DOT1L: variants seen among roughly 807,000 people sequenced by gnomAD.
The protein encoded by DOT1L is histone-lysine N-methyltransferase, H3 lysine-79 specific.
A neutral mutation model predicts 153.3 loss-of-function variants in DOT1L; 33 were observed. The observed-to-expected ratio is 0.22, with a 90% CI of 0.16 to 0.29. The LOEUF is 0.29. DOT1L is among the 10% of genes least tolerant of loss of function. The pLI is 1.00. For missense variants in DOT1L, 1,847 were observed against 2,119.9 expected (o/e 0.87, Z 2.53); for synonymous variants, 1,135 against 965.1 (o/e 1.18, Z -3.26).
chr19:2,210,556 T>A, intron 13 of DOT1L, 46 bp downstream of exon 13: 1 of 1,590,118 alleles, frequency 6.3e-7, no homozygotes. Flanking sequence ...ACCCGCCCCC[T>A]GCCCGGGAGA....
At chr19:2,223,987 AG>A (rs1349898063) in intron 25 of DOT1L, among the ~76,000 whole-genome samples, 1 of 151,994 alleles carries the variant, frequency 6.6e-6, no homozygotes, top group East Asian at 1.9e-4. Context: ...TCCTCCCAAG[AG>A]CCCCTGGCAC....
At chr19:2,224,068 A>G (rs1426106451) in intron 25 of DOT1L, among the ~76,000 whole-genome samples, 2 of 152,038 alleles carry the variant, frequency 1.3e-5, no homozygotes, top group African/African-American at 4.8e-5. Flanking sequence ...GCGGAGTCAC[A>G]CAGGATGTGG....
intron 25 of DOT1L, among the ~76,000 whole-genome samples, chr19:2,224,461 G>C (rs1036818119): frequency 6.9e-6 from 1 of 145,116 alleles, no homozygotes; most frequent in Admixed American, 6.9e-5. Context: ...AGGGTTTTTT[G>C]CTTTTTTTTT....
rs1363136429 is a variant in DOT1L, at chr19:2,214,463, C to G, written c.1798-8C>G. 6.2e-7 allele frequency: 1 copy of G among 1,612,486 alleles called. No individual in the cohort carries two copies. Among genetic ancestry groups the G allele is most frequent in the Admixed American group, 1.7e-5 (1 of 59,986 alleles). On this transcript the variant is annotated splice_region_variant and splice_polypyrimidine_tract_variant and intron_variant, in intron 18 of 27. Transcript: ENST00000398665. ...CCAGTCGCAACTGTCCCATCCCTAT[C>G]CCCTCAGCTCAAGGCTCGCTGCGAG... is the stretch of plus-strand genomic sequence containing the variant.
chr19:2,164,020 C>G lies in DOT1L; in HGVS notation c.-165C>G. 1 of 276,224 alleles carries G rather than the reference C, an allele frequency of 3.6e-6. No individual in the cohort carries two copies. The highest frequency in any genetic ancestry group is 5.9e-6 in the Non-Finnish European group (1 of 169,824). The allele number at this position is 276,224 out of a possible 1,614,324, so 17.1% of individuals were successfully genotyped here. ...ACAAAGAGGGAGTCGGGGGCCGGGC[C>G]GGACCGGAGCGCGGCGGCGGCGGCG... On this transcript the variant is annotated 5_prime_UTR_variant, in exon 1 of 28. Transcript: ENST00000398665.
At position 2,193,610 on chromosome 19, in the gene DOT1L, C is replaced by T. The variant is rs2022891276; in HGVS notation, c.494-79C>T. The T allele has an allele frequency of 4.2e-6, 6 of 1,413,466 alleles. No homozygotes were observed. Among genetic ancestry groups the T allele is most frequent in the Non-Finnish European group, 4.0e-6 (4 of 1,010,896 alleles). The allele number at this position is 1,413,466 out of a possible 1,614,324, so 87.6% of individuals were successfully genotyped here. ...GTCTTCATGGCCGCATTCTTGTGGC[C>T]TCTGTCTCCGAGCCTAGCACGGCCT... On this transcript the variant is annotated intron_variant, in intron 5 of 27. Coordinates refer to ENST00000398665, the MANE Select transcript of DOT1L (RefSeq NM_032482.3). This position sits in a 1 kb window ranked among gnomAD's most constrained non-coding sequence, Gnocchi z 5.9.
chr19:2,225,416 T>G lies in DOT1L; in HGVS notation c.3625T>G (p.Leu1209Val). 1 of 1,614,172 alleles carries G rather than the reference T, an allele frequency of 6.2e-7. No individual in the cohort carries two copies. The change falls in exon 26 of 28, where the codon TTA (leucine) becomes GTA (valine). Residue 1209 changes from leucine (L) to valine (V), a missense_variant. By Grantham distance (32) the Leu-to-Val change is conservative. Transcript: ENST00000398665. ...TGAGAGAAAAATTGCAACAATCTCCTTAGAAAGCAAATCTCCCCCGAAAAC... is the reference window on the plus strand; with the variant it reads ...TGAGAGAAAAATTGCAACAATCTCCGTAGAAAGCAAATCTCCCCCGAAAAC... The part of the protein sequence containing the change: ...RIERKIATIS[L>V]ESKSPPKTLE...
intron 25 of DOT1L, 80 bp downstream of exon 25, chr19:2,223,566 G>C: frequency 3.0e-6 from 1 of 329,860 alleles, no homozygotes; most frequent in East Asian, 9.2e-5. Context: ...GTGTGGGTGG[G>C]TGGGTGGGGA....
In DOT1L at chr19:2,226,865, G is replaced by T. The variant is rs754093768; in HGVS notation, c.4344G>T (p.Ala1448=). ...LLSGPGLAPA[A]SSAGGAASSA... ...GCGGCCCCGGCCTGGCCCCGGCGGCGTCCTCCGCAGGCGGCGCGGCGTCCT... is the reference window on the plus strand; with the variant it reads ...GCGGCCCCGGCCTGGCCCCGGCGGCTTCCTCCGCAGGCGGCGCGGCGTCCT... Residue 1448 remains alanine, a synonymous_variant, in exon 27 of 28, where the codon GCG becomes GCT. Coordinates refer to ENST00000398665, the MANE Select transcript of DOT1L (RefSeq NM_032482.3). 3 of 1,574,584 alleles carry T rather than the reference G, an allele frequency of 1.9e-6. No individual in the cohort carries two copies. Among genetic ancestry groups the T allele is most frequent in the South Asian group, 2.3e-5 (2 of 88,094 alleles).
intron 26 of DOT1L, 43 bp from the exon 27 acceptor site, chr19:2,226,140 C>A: frequency 6.7e-7 from 1 of 1,487,562 alleles, no homozygotes; most frequent in Non-Finnish European, 8.9e-7. Flanking sequence ...GTAGCCCGGG[C>A]AGGTGCTCTG....
At chr19:2,212,227 A>G (rs900097984) in intron 16 of DOT1L, 5 of 161,810 alleles carry the variant, frequency 3.1e-5, no homozygotes, top group African/African-American at 1.2e-4. Flanking sequence ...CAGTGGTGTG[A>G]TCTCGGCTCA....
chr19:2,211,327 A>G (rs1353954688), intron 15 of DOT1L, 115 bp downstream of exon 15: 4 of 923,334 alleles, frequency 4.3e-6, no homozygotes, highest in Non-Finnish European at 3.2e-6. Flanking sequence ...GCTGGACCCC[A>G]CTGAAGTTTA....
chr19:2,184,649 C>T (rs909937624), intron 2 of DOT1L, among the ~76,000 whole-genome samples: 1 of 152,138 alleles, frequency 6.6e-6, no homozygotes, highest in Admixed American at 6.5e-5. Flanking sequence ...GTCCCGTGCC[C>T]TTTCCAAGCG....
rs1320660281 is a variant in DOT1L at position 2,164,282 on chromosome 19, A to C, written c.81+17A>C. 3.2e-6 allele frequency: 4 copies of C among 1,248,752 alleles called. No homozygotes were observed. The East Asian group carries it at 1.3e-4, about 39-fold the overall frequency. 77.4% of individuals were successfully genotyped at this position (1,248,752 alleles called of 1,614,324 possible). On this transcript the variant is annotated intron_variant, in intron 1 of 27. Coordinates refer to ENST00000398665, the MANE Select transcript of DOT1L (RefSeq NM_032482.3). ...CCGGTCTACGTGAGTGCCGCCCTCCACCGTCCCTACCTCCCGGCCTCCCCT... is the reference window on the plus strand; with the variant it reads ...CCGGTCTACGTGAGTGCCGCCCTCCCCCGTCCCTACCTCCCGGCCTCCCCT...
At chr19:2,192,729 G>C (rs946465442) in intron 5 of DOT1L, among the ~76,000 whole-genome samples, 18 of 151,710 alleles carry the variant, frequency 1.2e-4, no homozygotes, top group Non-Finnish European at 1.9e-4. Context: ...GCTCCTGCCT[G>C]TAATCCCAAT....
chr19:2,205,766 T>A (rs1177312697), intron 9 of DOT1L, among the ~76,000 whole-genome samples: 1 of 152,048 alleles, frequency 6.6e-6, no homozygotes, highest in African/African-American at 2.4e-5. Flanking sequence ...TGATCATAGC[T>A]CCCTGCAGCC....
rs1474412200 is a variant in DOT1L at position 2,164,015 on chromosome 19, C to A, written c.-170C>A. ...TGACTACAAAGAGGGAGTCGGGGGC[C>A]GGGCCGGACCGGAGCGCGGCGGCGG... On this transcript the variant is annotated 5_prime_UTR_variant, in exon 1 of 28. Transcript: ENST00000398665. The A allele has an allele frequency of 7.9e-6, 2 of 254,742 alleles. No individual in the cohort carries two copies. Among genetic ancestry groups the A allele is most frequent in the African/African-American group, 2.3e-5 (1 of 43,208 alleles). 15.8% of individuals were successfully genotyped at this position (254,742 alleles called of 1,614,324 possible). A position where few individuals can be genotyped will look rare whatever the true frequency, so the allele number is the denominator to read the frequency against.
intron 27 of DOT1L, 75 bp from the exon 28 acceptor site, chr19:2,229,710 A>G: frequency 1.2e-6 from 2 of 1,610,006 alleles, no homozygotes; most frequent in South Asian, 1.1e-5. Flanking sequence ...CTCGGTCCCC[A>G]GCCTGGGTGA....
Position 2,190,873 on chromosome 19 carries a change from C to T in DOT1L, c.265-139C>T. ...GCTGGGTTGGAAACTGACCTGGGAG[C>T]CCGGCAGCCACCCTGCAGGGGGACG... On this transcript the variant is annotated intron_variant, in intron 4 of 27. Coordinates refer to ENST00000398665, the MANE Select transcript of DOT1L (RefSeq NM_032482.3). The surrounding 1 kb of genome is among the most constrained non-coding windows in gnomAD (Gnocchi z 4.8). 1 of 769,176 alleles carries T rather than the reference C, an allele frequency of 1.3e-6. No individual in the cohort carries two copies. The highest frequency in any genetic ancestry group is 2.1e-6 in the Non-Finnish European group (1 of 479,402). 47.6% of individuals were successfully genotyped at this position (769,176 alleles called of 1,614,324 possible). A position where few individuals can be genotyped will look rare whatever the true frequency, so the allele number is the denominator to read the frequency against.
Sources: gnomAD v4.1 joint callset for allele counts (sites outside exome capture counted in the v4.1 genomes callset) on GRCh38, gnomAD v4.1.1 for gene constraint, Gnocchi (gnomAD v3.1) non-coding constraint, MANE v1.5 for transcripts, NCBI Gene and HGNC (gene_info 2026-07-23, HGNC 2026-07-21) for gene names.